Variants in AGO2 observed in about 807,000 individuals in gnomAD.
AGO2 encodes argonaute RISC catalytic component 2, also known as protein argonaute-2.
In AGO2, 5 loss-of-function variants were observed where a neutral mutation model predicts 102.3. That is an observed-to-expected ratio of 0.05 (90% CI 0.03 to 0.10). The LOEUF is 0.10. AGO2 is among the 10% of genes least tolerant of loss of function. The pLI, the probability that AGO2 is intolerant of heterozygous loss-of-function variation, is 1.00. For missense variants in AGO2, 541 were observed against 1,183.7 expected (o/e 0.46, Z 7.97); for synonymous variants, 449 against 473.1 (o/e 0.95, Z 0.66).
intron 11 of AGO2, among the ~76,000 whole-genome samples, chr8:140,549,570 A>G (rs915999339): frequency 7.9e-5 from 12 of 152,278 alleles, no homozygotes; most frequent in African/African-American, 2.9e-4. Context: ...ACCGTAACAC[A>G]GCAGCCTTTA....
At position 140,602,916 on chromosome 8, in the gene AGO2, C is replaced by T. The variant is rs918800938; in HGVS notation, c.23-17605G>A. Among the ~76,000 whole-genome samples the T allele has an allele frequency of 7.9e-5, 12 of 152,292 alleles. 1 individual carries two copies. The South Asian group carries it at 8.3e-4, about 11-fold the overall frequency. On this transcript the variant is annotated intron_variant, in intron 1 of 18. Transcript: ENST00000220592. ...GACGAGCTCACAGTTTAAAACAAAT[C>T]GAAATGGTATTCTACTTCCTCAGAG...
intron 3 of AGO2, among the ~76,000 whole-genome samples, chr8:140,568,170 G>A (rs941657915): frequency 1.3e-5 from 2 of 151,010 alleles, no homozygotes; most frequent in African/African-American, 4.9e-5. Flanking sequence ...TGTAGTCCCA[G>A]CTACTCAGGA....
chr8:140,639,633 C>T (rs943233601), upstream of AGO2, among the ~76,000 whole-genome samples: 1 of 151,636 alleles, frequency 6.6e-6, no homozygotes, highest in Non-Finnish European at 1.5e-5. Flanking sequence ...ATTAGCTGAA[C>T]ATGGTGGCAC....
Position 140,531,747 on chromosome 8 carries a change from T to C in AGO2, c.*297A>G. ...ATTAAAAATGTTTTAAAGCCCTGAGTTCATAGACTGGTTTTAGGAGATTTT... is the reference window on the plus strand; with the variant it reads ...ATTAAAAATGTTTTAAAGCCCTGAGCTCATAGACTGGTTTTAGGAGATTTT... On this transcript the variant is annotated 3_prime_UTR_variant, in exon 19 of 19. Coordinates refer to ENST00000220592, the MANE Select transcript of AGO2 (RefSeq NM_012154.5). The C allele has an allele frequency of 1.1e-5, 3 of 266,050 alleles. No homozygotes were observed. The highest frequency in any genetic ancestry group is 2.2e-5 in the Non-Finnish European group (3 of 136,958). The allele number at this position is 266,050 out of a possible 1,614,324, so 16.5% of individuals were successfully genotyped here. A position where few individuals can be genotyped will look rare whatever the true frequency, so the allele number is the denominator to read the frequency against.
In AGO2 at chr8:140,530,315, G is replaced by T. The variant is rs1047996896; in HGVS notation, c.*1729C>A. 6.6e-6 allele frequency: 1 copy of T among 152,210 alleles called. No individual in the cohort carries two copies. The highest frequency in any genetic ancestry group is 1.5e-5 in the Non-Finnish European group (1 of 68,078). The allele number at this position is 152,210 out of a possible 1,614,324, so 9.4% of individuals were successfully genotyped here. Reference sequence around the variant, plus strand: ...AGCAGCTGAGCACAAAGGTGGGGGGGGGGGTGCCGCTGAGCAGGAGGCAGC... The same window carrying T: ...AGCAGCTGAGCACAAAGGTGGGGGGTGGGGTGCCGCTGAGCAGGAGGCAGC... On this transcript the variant is annotated 3_prime_UTR_variant, in exon 19 of 19. Transcript: ENST00000220592.
At chr8:140,638,920 A>G (rs187948018), upstream of AGO2, among the ~76,000 whole-genome samples, 299 of 152,052 alleles carry the variant, frequency 2.0e-3, 2 homozygotes, top group African/African-American at 6.3e-3. Flanking sequence ...GTCTCACTCT[A>G]TTGCCCATGC....
intron 1 of AGO2, among the ~76,000 whole-genome samples, chr8:140,598,074 G>A (rs1420212888): frequency 6.6e-6 from 1 of 152,230 alleles, no homozygotes; most frequent in Non-Finnish European, 1.5e-5. Context: ...ATCTAACCCA[G>A]GAGGGTGAGA....
chr8:140,540,909 C>T lies in AGO2; in HGVS notation c.2034+255G>A, dbSNP rs983493177. On this transcript the variant is annotated intron_variant, in intron 15 of 18. Transcript: ENST00000220592. The surrounding 1 kb of genome is among the most constrained non-coding windows in gnomAD (Gnocchi z 5.0). ...TCAGCGGAACTCAAGCGTCTCTCCC[C>T]CATCTCTTGGTCCCCAGGCCCATAC... is the stretch of plus-strand genomic sequence containing the variant. 6.6e-6 allele frequency among the ~76,000 whole-genome samples: 1 copy of T among 152,200 alleles called. No individual in the cohort carries two copies. Among genetic ancestry groups the T allele is most frequent in the Non-Finnish European group, 1.5e-5 (1 of 68,030 alleles).
At chr8:140,600,757 T>C (rs2073922063) in intron 1 of AGO2, among the ~76,000 whole-genome samples, 1 of 151,348 alleles carries the variant, frequency 6.6e-6, no homozygotes, top group Non-Finnish European at 1.5e-5. Flanking sequence ...GAAAGAGGCC[T>C]CCATGTCTGC....
intron 1 of AGO2, among the ~76,000 whole-genome samples, chr8:140,630,474 G>A (rs536804551): frequency 6.6e-6 from 1 of 152,364 alleles, no homozygotes; most frequent in East Asian, 1.9e-4. Context: ...AACTTTTGGA[G>A]GAAAAAATTA....
intron 10 of AGO2, among the ~76,000 whole-genome samples, chr8:140,554,936 G>C (rs757980665): frequency 2.6e-5 from 4 of 152,032 alleles, no homozygotes; most frequent in African/African-American, 9.7e-5. Flanking sequence ...TCAGCCTCCC[G>C]AAGTGCTGGG....
intron 1 of AGO2, among the ~76,000 whole-genome samples, chr8:140,616,669 G>A (rs549592464): frequency 4.6e-5 from 7 of 152,250 alleles, no homozygotes; most frequent in Non-Finnish European, 1.0e-4. Context: ...CACAGGGGCA[G>A]CAGCAGTGGG....
Position 140,522,855 on chromosome 8 carries a change from A to T in AGO2, c.*9189T>A, listed in dbSNP as rs977541069. 8 of 152,184 alleles carry T rather than the reference A, an allele frequency of 5.3e-5. No homozygotes were observed. Among genetic ancestry groups the T allele is most frequent in the Non-Finnish European group, 8.8e-5 (6 of 68,040 alleles). The allele number at this position is 152,184 out of a possible 1,614,324, so 9.4% of individuals were successfully genotyped here. On this transcript the variant is annotated 3_prime_UTR_variant, in exon 19 of 19. Coordinates refer to ENST00000220592, the MANE Select transcript of AGO2 (RefSeq NM_012154.5). Reference sequence around the variant, plus strand: ...CACTCACTCTGCCTAATATTTTTGCATACTCTGAAACTCACAAATTTAACA... The same window carrying T: ...CACTCACTCTGCCTAATATTTTTGCTTACTCTGAAACTCACAAATTTAACA...
intron 1 of AGO2, among the ~76,000 whole-genome samples, chr8:140,612,668 C>T (rs998394588): frequency 1.7e-4 from 26 of 151,922 alleles, no homozygotes; most frequent in Non-Finnish European, 2.9e-4. Context: ...AGGAGAATCG[C>T]TTGAACCCAG....
intron 8 of AGO2, 30 bp from the exon 9 acceptor site, chr8:140,556,316 AG>A (rs771323127): frequency 1.2e-6 from 2 of 1,612,448 alleles, no homozygotes; most frequent in South Asian, 2.2e-5. Context: ...ACAGGCCGTC[AG>A]TGCCGCACTG....
At chr8:140,637,891 G>A (rs2074420739), upstream of AGO2, 1 of 152,310 alleles carries the variant, frequency 6.6e-6, no homozygotes, top group South Asian at 2.1e-4. Flanking sequence ...GTGCGTCTCG[G>A]TGCTTGCTGT....
At chr8:140,550,441 C>A (rs532629347) in intron 11 of AGO2, among the ~76,000 whole-genome samples, 8 of 152,192 alleles carry the variant, frequency 5.3e-5, no homozygotes, top group Non-Finnish European at 8.8e-5. Context: ...CTGGCCGAGG[C>A]GAGCATCCTG....
intron 1 of AGO2, among the ~76,000 whole-genome samples, chr8:140,627,881 G>A (rs1482564061): frequency 3.3e-5 from 5 of 152,126 alleles, no homozygotes; most frequent in South Asian, 4.2e-4. Flanking sequence ...CCCAACACGC[G>A]ATCTCCCACA....
chr8:140,630,294 G>C (rs188343909), intron 1 of AGO2, among the ~76,000 whole-genome samples: 2 of 152,182 alleles, frequency 1.3e-5, no homozygotes, highest in African/African-American at 2.4e-5. Flanking sequence ...TCTGCCTTTC[G>C]TACCAGGGAA....
Sources: allele counts gnomAD v4.1 joint callset (sites outside exome capture counted in the v4.1 genomes callset), GRCh38; gene constraint gnomAD v4.1.1; non-coding constraint Gnocchi (gnomAD v3.1); transcripts MANE v1.5; gene names NCBI Gene and HGNC (gene_info 2026-07-23, HGNC 2026-07-21).